Variants in CSMD1 observed in about 807,000 individuals in gnomAD.
CSMD1 encodes CUB and Sushi multiple domains 1, also known as CUB and sushi domain-containing protein 1.
In CSMD1, 213 loss-of-function variants were observed where a neutral mutation model predicts 417.5. The ratio of observed to expected loss-of-function variants is 0.51; its 90% CI spans 0.46 to 0.57. The LOEUF is 0.57. Among genes scored for constraint, CSMD1 ranks in the 20% least tolerant of loss-of-function variants. The pLI is 0.00. For missense variants in CSMD1, 6,923 were observed against 4,529.7 expected (o/e 1.53, Z -15.17); for synonymous variants, 2,862 against 1,736.8 (o/e 1.65, Z -16.11).
chr8:3,640,203 G>A (rs1268583520), intron 7 of CSMD1, among the ~76,000 whole-genome samples: 2 of 152,200 alleles, frequency 1.3e-5, no homozygotes, highest in African/African-American at 2.4e-5. Context: ...GCAGTCATGT[G>A]GGGAGGCATC....
chr8:3,798,572 G>C (rs1800289781), intron 5 of CSMD1, among the ~76,000 whole-genome samples: 1 of 152,022 alleles, frequency 6.6e-6, no homozygotes, highest in Admixed American at 6.6e-5. Flanking sequence ...AGAGGTGATT[G>C]CAATGAAAAG....
intron 1 of CSMD1, among the ~76,000 whole-genome samples, chr8:4,826,389 T>G (rs112916476): frequency 2.0e-5 from 3 of 152,278 alleles, no homozygotes; most frequent in East Asian, 3.9e-4. Context: ...ATCCTGCATA[T>G]GCAACAGCAT....
intron 5 of CSMD1, among the ~76,000 whole-genome samples, chr8:3,782,029 A>C (rs1178609024): frequency 6.6e-6 from 1 of 151,812 alleles, no homozygotes; most frequent in East Asian, 1.9e-4. Context: ...ATTTAAGAGT[A>C]TCTCTCTATT....
chr8:3,694,096 T>C (rs1800411643), intron 7 of CSMD1, among the ~76,000 whole-genome samples: 1 of 151,694 alleles, frequency 6.6e-6, no homozygotes, highest in African/African-American at 2.4e-5. Context: ...ATGTGTTGTG[T>C]GTGTTTTGGG....
intron 5 of CSMD1, among the ~76,000 whole-genome samples, chr8:3,757,060 C>G (rs1263773491): frequency 1.3e-5 from 2 of 152,180 alleles, no homozygotes; most frequent in African/African-American, 4.8e-5. Flanking sequence ...ACCTTTGCCT[C>G]TCAGAGTGCT....
intron 1 of CSMD1, among the ~76,000 whole-genome samples, chr8:4,855,828 G>GA (rs1801768041): frequency 2.6e-5 from 4 of 151,260 alleles, no homozygotes; most frequent in Admixed American, 2.6e-4. Flanking sequence ...GAACCAAGTT[G>GA]GAAAACACTC....
chr8:4,347,146 G>C (rs981958389), intron 3 of CSMD1, among the ~76,000 whole-genome samples: 9 of 152,088 alleles, frequency 5.9e-5, no homozygotes, highest in African/African-American at 1.7e-4. Context: ...TTAGCACTTG[G>C]TGTGACAACT....
At chr8:3,391,003 G>C (rs765800215) in intron 17 of CSMD1, among the ~76,000 whole-genome samples, 8 of 152,142 alleles carry the variant, frequency 5.3e-5, no homozygotes, top group Admixed American at 3.3e-4. Flanking sequence ...ATTGAAACCT[G>C]AGCCTTTGCC....
chr8:4,042,938 C>G (rs1396145935), intron 3 of CSMD1, among the ~76,000 whole-genome samples: 1 of 150,100 alleles, frequency 6.7e-6, no homozygotes, highest in Non-Finnish European at 1.5e-5. Flanking sequence ...CCAGTCTGGC[C>G]AAGAGAGCAA....
chr8:3,520,625 G>T (rs545606514), intron 10 of CSMD1, among the ~76,000 whole-genome samples: 1 of 152,056 alleles, frequency 6.6e-6, no homozygotes, highest in African/African-American at 2.4e-5. Flanking sequence ...TTCACTGGCT[G>T]TTTCCTGGTT....
intron 6 of CSMD1, among the ~76,000 whole-genome samples, chr8:3,717,861 C>T (rs1483780255): frequency 6.6e-6 from 1 of 152,098 alleles, no homozygotes; most frequent in Admixed American, 6.6e-5. Flanking sequence ...TTGTACATTA[C>T]ACCAATCACC....
At chr8:3,754,661 G>C (rs1438898718) in intron 5 of CSMD1, among the ~76,000 whole-genome samples, 1 of 152,142 alleles carries the variant, frequency 6.6e-6, no homozygotes, top group Non-Finnish European at 1.5e-5. Flanking sequence ...TGCCGTGTTG[G>C]CCAGGCTGGT....
intron 3 of CSMD1, among the ~76,000 whole-genome samples, chr8:4,137,939 G>A (rs973119962): frequency 2.8e-4 from 42 of 150,958 alleles, no homozygotes; most frequent in South Asian, 6.3e-4. Context: ...GTGCAGTGGC[G>A]CAATCTCGGC....
At position 2,950,156 on chromosome 8, in the gene CSMD1, C is replaced by T. The variant is rs78507879; in HGVS notation, c.10314+75G>A. On this transcript the variant is annotated intron_variant, in intron 67 of 69. Coordinates refer to ENST00000635120, the MANE Select transcript of CSMD1 (RefSeq NM_033225.6). ...ACAGCTCTACTCAGAAGCCTCCAAT[C>T]CGTAGCCCTTGCATCTGCACAGAGA... 9.0e-3 allele frequency: 8,734 copies of T among 967,990 alleles called. 56 individuals carry two copies. Among genetic ancestry groups the T allele is most frequent in the Admixed American group, 0.012 (702 of 56,540 alleles). The allele number at this position is 967,990 out of a possible 1,614,324, so 60.0% of individuals were successfully genotyped here.
intron 7 of CSMD1, among the ~76,000 whole-genome samples, chr8:3,673,404 T>C (rs190948865): frequency 3.9e-5 from 6 of 152,334 alleles, no homozygotes; most frequent in African/African-American, 1.2e-4. Flanking sequence ...ATGAAAGTAT[T>C]TGAAGACGTA....
chr8:4,585,764 C>G (rs1249028585), intron 2 of CSMD1, among the ~76,000 whole-genome samples: 2 of 152,088 alleles, frequency 1.3e-5, no homozygotes, highest in Non-Finnish European at 2.9e-5. Flanking sequence ...CAAAGTGAAA[C>G]TATCCTATAG....
chr8:3,636,197 C>T (rs10108878), intron 7 of CSMD1, among the ~76,000 whole-genome samples: 69,012 of 151,912 alleles, frequency 0.45, 15,800 homozygotes, highest in Middle Eastern at 0.63. Flanking sequence ...GCATCTTGTC[C>T]CATTGGAAGG....
chr8:4,467,860 G>C (rs979539971), intron 2 of CSMD1, among the ~76,000 whole-genome samples: 1 of 152,162 alleles, frequency 6.6e-6, no homozygotes, highest in African/African-American at 2.4e-5. Context: ...TCAGTGAAAA[G>C]GAGTTCCAAA....
At chr8:3,545,826 T>G (rs1245851599) in intron 10 of CSMD1, among the ~76,000 whole-genome samples, 5 of 152,222 alleles carry the variant, frequency 3.3e-5, no homozygotes, top group Non-Finnish European at 5.9e-5. Context: ...GCAAGTTATT[T>G]AGTAGCAGAG....
Sources: gnomAD v4.1 joint callset for allele counts (sites outside exome capture counted in the v4.1 genomes callset) on GRCh38, gnomAD v4.1.1 for gene constraint, MANE v1.5 for transcripts, NCBI Gene and HGNC (gene_info 2026-07-23, HGNC 2026-07-21) for gene names.